The following THSD7B variants were observed in gnomAD, a reference collection of about 807,000 sequenced individuals.
THSD7B encodes thrombospondin type 1 domain containing 7B, also known as thrombospondin type-1 domain-containing protein 7B.
Under a neutral mutation model 213.6 loss-of-function variants are expected in THSD7B, and 138 were observed. The ratio of observed to expected loss-of-function variants is 0.65; its 90% confidence interval spans 0.56 to 0.74. The LOEUF (loss-of-function observed/expected upper bound fraction) is 0.74, where lower values mean the gene tolerates loss of function less well. Ranked by LOEUF, THSD7B falls within the 30% of genes least tolerant of loss-of-function variation. THSD7B has a pLI of 0.00. For missense variants in THSD7B, 1,931 were observed against 1,991.5 expected (o/e 0.97, Z 0.58); for synonymous variants, 742 against 687.0 (o/e 1.08, Z -1.25).
At position 137,040,899 on chromosome 2, in the gene THSD7B, T is replaced by A. The variant is rs969283993; in HGVS notation, c.140-15521T>A. 3.9e-5 allele frequency among the ~76,000 whole-genome samples: 6 copies of A among 152,340 alleles called. No homozygotes were observed. In the East Asian group the frequency reaches 9.6e-4, roughly 24 times the overall value. ...CCCAAAGTGGTATAAGCTTTGATAA[T>A]GTGTTTCATCAGGACAGGAATTATG... On this transcript the variant is annotated intron_variant, in intron 2 of 27. Transcript: ENST00000409968.
At chr2:137,232,056 A>G (rs1215182930) in intron 8 of THSD7B, among the ~76,000 whole-genome samples, 1 of 152,174 alleles carries the variant, frequency 6.6e-6, no homozygotes, top group Admixed American at 6.5e-5. Flanking sequence ...CTTTTCTTTT[A>G]TATTTCTGGA....
intron 15 of THSD7B, among the ~76,000 whole-genome samples, chr2:137,481,120 G>A (rs778166046): frequency 5.9e-5 from 9 of 152,202 alleles, no homozygotes; most frequent in Admixed American, 2.0e-4. Flanking sequence ...AGACCTACCA[G>A]TACCTTGATC....
At position 136,840,149 on chromosome 2, in the gene THSD7B, C is replaced by T. The variant is rs188146054; in HGVS notation, c.-35-41995C>T. On this transcript the variant is annotated intron_variant, in intron 1 of 27. Coordinates refer to ENST00000409968, the MANE Select transcript of THSD7B (RefSeq NM_001316349.2). ...ATCCCAGCACTTTGGGAGGCTGAGG[C>T]GGGCAGATCACCTGAGGTTAGGAAT... Among the ~76,000 whole-genome samples, 575 of 152,162 alleles carry T rather than the reference C, an allele frequency of 3.8e-3. 2 individuals carry two copies. The highest frequency in any genetic ancestry group is 0.01 in the Middle Eastern group (3 of 294).
chr2:137,176,052 T>C (rs1480567014), intron 7 of THSD7B, among the ~76,000 whole-genome samples: 2 of 152,218 alleles, frequency 1.3e-5, no homozygotes, highest in Non-Finnish European at 2.9e-5. Context: ...TTTTTGCTTT[T>C]GCTTATAAGA....
chr2:137,269,571 C>T (rs952150820), intron 10 of THSD7B, among the ~76,000 whole-genome samples: 154 of 152,306 alleles, frequency 1.0e-3, no homozygotes, highest in African/African-American at 3.5e-3. Flanking sequence ...ACAAAACACA[C>T]ATACACACAA....
intron 15 of THSD7B, among the ~76,000 whole-genome samples, chr2:137,549,608 G>A (rs766760332): frequency 1.3e-5 from 2 of 151,876 alleles, no homozygotes; most frequent in Non-Finnish European, 2.9e-5. Context: ...CTACAGGCAC[G>A]GCATCATACT....
Position 137,412,893 on chromosome 2 carries a change from C to CTTTT in THSD7B, c.2959+1031_2959+1034dup, listed in dbSNP as rs59348687. On this transcript the variant is annotated intron_variant, in intron 14 of 27. Coordinates refer to ENST00000409968, the MANE Select transcript of THSD7B (RefSeq NM_001316349.2). The stretch of plus-strand genomic sequence containing the variant: ...TTTCCTGCTCTGTTTTTCTTTCTTT[C>CTTTT]TTTTTTTTTTTTTACTAGTTTTTTA... Among the ~76,000 whole-genome samples, 736 of 140,166 alleles carry CTTTT rather than the reference C, an allele frequency of 5.3e-3. 10 individuals are homozygous for CTTTT. Among genetic ancestry groups the CTTTT allele is most frequent in the Admixed American group, 0.043 (598 of 14,066 alleles). The allele number at this position is 140,166 out of a possible 152,430, so 92.0% of individuals were successfully genotyped here. A position where few individuals can be genotyped will look rare whatever the true frequency, so the allele number is the denominator to read the frequency against.
At chr2:137,642,994 A>G (rs1682967413) in intron 21 of THSD7B, among the ~76,000 whole-genome samples, 1 of 152,214 alleles carries the variant, frequency 6.6e-6, no homozygotes, top group African/African-American at 2.4e-5. Context: ...CTTGCTTTAG[A>G]TTGTTTAAGA....
At chr2:137,493,427 C>T (rs1351456807) in intron 15 of THSD7B, among the ~76,000 whole-genome samples, 1 of 152,218 alleles carries the variant, frequency 6.6e-6, no homozygotes, top group East Asian at 1.9e-4. Flanking sequence ...AGGCTAATGA[C>T]CTGCAATGCA....
At chr2:137,218,141 T>C (rs758089426) in intron 7 of THSD7B, among the ~76,000 whole-genome samples, 7 of 152,312 alleles carry the variant, frequency 4.6e-5, no homozygotes, top group Admixed American at 1.3e-4. Flanking sequence ...ACCTCTTAAG[T>C]AGACATCCAA....
chr2:137,338,811 T>C (rs967495384), intron 12 of THSD7B, among the ~76,000 whole-genome samples: 4 of 152,104 alleles, frequency 2.6e-5, no homozygotes, highest in Non-Finnish European at 5.9e-5. Flanking sequence ...TACCACACAT[T>C]ATGAAATCTT....
intron 9 of THSD7B, among the ~76,000 whole-genome samples, chr2:137,234,278 A>G (rs1681713590): frequency 6.6e-6 from 1 of 152,158 alleles, no homozygotes; most frequent in South Asian, 2.1e-4. Context: ...GCCTAATTCA[A>G]TTTAATTTGT....
chr2:137,435,466 A>G (rs1334546042), intron 14 of THSD7B, among the ~76,000 whole-genome samples: 1 of 152,240 alleles, frequency 6.6e-6, no homozygotes, highest in Admixed American at 6.5e-5. Flanking sequence ...CTATGCACAG[A>G]GATCTTAAAG....
intron 12 of THSD7B, among the ~76,000 whole-genome samples, chr2:137,340,299 TAGG>T (rs1241517555): frequency 1.3e-5 from 2 of 151,924 alleles, no homozygotes; most frequent in Non-Finnish European, 2.9e-5. Flanking sequence ...GTAAAGGTTT[TAGG>T]AGGAATTCAG....
At chr2:137,660,884 G>A (rs1683331302) in intron 25 of THSD7B, among the ~76,000 whole-genome samples, 1 of 152,160 alleles carries the variant, frequency 6.6e-6, no homozygotes, top group Admixed American at 6.5e-5. Flanking sequence ...ACTATAGGCT[G>A]TTAACTATAA....
At chr2:137,524,781 T>C (rs1272557317) in intron 15 of THSD7B, among the ~76,000 whole-genome samples, 1 of 152,210 alleles carries the variant, frequency 6.6e-6, no homozygotes, top group Non-Finnish European at 1.5e-5. Context: ...GATATGTACC[T>C]GTCCAGCTCA....
intron 4 of THSD7B, among the ~76,000 whole-genome samples, chr2:137,098,887 C>T (rs1265335590): frequency 6.6e-6 from 1 of 152,116 alleles, no homozygotes; most frequent in Non-Finnish European, 1.5e-5. Context: ...TTCGGAGCAA[C>T]TAATTTAACT....
At chr2:137,303,920 T>A (rs1053777018) in intron 12 of THSD7B, among the ~76,000 whole-genome samples, 1 of 151,302 alleles carries the variant, frequency 6.6e-6, no homozygotes, top group Admixed American at 6.6e-5. Context: ...CAACCCATCA[T>A]CTACATTAGG....
intron 2 of THSD7B, among the ~76,000 whole-genome samples, chr2:136,980,743 G>T (rs1685562416): frequency 6.6e-6 from 1 of 152,188 alleles, no homozygotes; most frequent in African/African-American, 2.4e-5. Flanking sequence ...GGGAACCAAG[G>T]CCCTGGTGGT....
Sources: allele counts gnomAD v4.1 joint callset (sites outside exome capture counted in the v4.1 genomes callset), GRCh38; gene constraint gnomAD v4.1.1; transcripts MANE v1.5; gene names NCBI Gene and HGNC (gene_info 2026-07-23, HGNC 2026-07-21).